Variants in TAPBPL observed in about 807,000 individuals in gnomAD.
TAPBPL encodes TAP binding protein like.
TAPBPL carries 32 observed loss-of-function variants against 44.8 expected under a neutral mutation model. The ratio of observed to expected loss-of-function variants is 0.71; its 90% confidence interval spans 0.54 to 0.96. TAPBPL has a LOEUF of 0.96. TAPBPL is among the 40% of genes least tolerant of loss of function. The probability of loss-of-function intolerance (pLI) is 0.00; values close to 1 mark genes in which losing one functional copy is unlikely to be tolerated. For missense variants in TAPBPL, 520 were observed against 586.6 expected (o/e 0.89, Z 1.17); for synonymous variants, 230 against 240.7 (o/e 0.96, Z 0.41).
In TAPBPL at chr12:6,461,989, T is replaced by G. The variant is rs552603034; in HGVS notation, c.1292-45T>G. Reference sequence around the variant, plus strand: ...GAGGGAACCTGTGCTTGTTTGCCAGTGTGAGATGCCCACGCAACTTCCTGT... The same window carrying G: ...GAGGGAACCTGTGCTTGTTTGCCAGGGTGAGATGCCCACGCAACTTCCTGT... On this transcript the variant is annotated intron_variant, in intron 6 of 6. Coordinates refer to ENST00000266556, the MANE Select transcript of TAPBPL (RefSeq NM_018009.5). The G allele has an allele frequency of 2.7e-5, 42 of 1,528,990 alleles. No individual in the cohort carries two copies. The South Asian group carries it at 4.7e-4, about 17-fold the overall frequency. 94.7% of individuals were successfully genotyped at this position (1,528,990 alleles called of 1,614,324 possible). A position where few individuals can be genotyped will look rare whatever the true frequency, so the allele number is the denominator to read the frequency against.
chr12:6,461,227 TGA>T, intron 6 of TAPBPL: 1 of 1,243,706 alleles, frequency 8.0e-7, no homozygotes, highest in Non-Finnish European at 1.0e-6. Context: ...TAAAAATACA[TGA>T]AGGTGGCACC....
chr12:6,464,648 C>T (rs1358561292), downstream of TAPBPL: 8 of 1,458,336 alleles, frequency 5.5e-6, no homozygotes, highest in East Asian at 2.5e-5. Context: ...CACAGCATAG[C>T]CCCACTTCCT....
downstream of TAPBPL, chr12:6,465,172 T>A: frequency 1.8e-6 from 1 of 559,824 alleles, no homozygotes. Context: ...TGCATTGAGC[T>A]CCTTTTTGCT....
At chr12:6,465,158 GA>G, downstream of TAPBPL, 1 of 609,052 alleles carries the variant, frequency 1.6e-6, no homozygotes. Flanking sequence ...TTCATCACAG[GA>G]CCTGCATTGA....
In TAPBPL at chr12:6,458,831, G is replaced by A. The variant is rs916824010; in HGVS notation, c.1091G>A (p.Ser364Asn). Residue 364 changes from serine to asparagine, a missense_variant, in exon 5 of 7, where the codon AGC (serine) becomes AAC (asparagine). By Grantham distance (46) the Ser-to-Asn change is conservative. Transcript: ENST00000266556. ...SLRQSVAGTY[S>N]ISSSLTAEPG... ...AGGCAAAGCGTGGCAGGCACCTACA[G>A]CATCTCCTCCTCTCTCACCGCAGAA... 15 of 1,614,034 alleles carry A rather than the reference G, an allele frequency of 9.3e-6. No homozygotes were observed. In the East Asian group the frequency reaches 2.9e-4, roughly 31 times the overall value.
chr12:6,464,488 T>C (rs1213158610), downstream of TAPBPL: 1 of 1,520,676 alleles, frequency 6.6e-7, no homozygotes, highest in Non-Finnish European at 8.8e-7. Flanking sequence ...AAAAGTAGAC[T>C]GGACACAGGA....
chr12:6,457,721 AG>A lies in TAPBPL; in HGVS notation c.882del (p.Ile295SerfsTer14), dbSNP rs776179311. 2 of 1,592,354 alleles carry A rather than the reference AG, an allele frequency of 1.3e-6. No individual in the cohort carries two copies. Among genetic ancestry groups the A allele is most frequent in the Admixed American group, 1.7e-5 (1 of 59,074 alleles). On this transcript the variant is annotated frameshift_variant, in exon 4 of 7. Transcript: ENST00000266556. LOFTEE classifies it high-confidence loss of function. ...QITTSLYRAQQIIQLNIQASP... is the reference protein window; with the variant it reads ...QITTSLYRAQXIIQLNIQASP... ...ACCACCTCTCTGTACCGAGCTCAGC[AG>A]ATCATCCAGCTCAACATCCAAGGTG...
At chr12:6,469,652 C>T (rs1243928168), downstream of TAPBPL, among the ~76,000 whole-genome samples, 2 of 152,130 alleles carry the variant, frequency 1.3e-5, no homozygotes, top group Non-Finnish European at 2.9e-5. Flanking sequence ...AGAGAAGCAA[C>T]ATAAATACAT....
Position 6,462,092 on chromosome 12 carries a change from C to A in TAPBPL, c.1350C>A (p.Asp450Glu). 1 of 1,613,774 alleles carries A rather than the reference C, an allele frequency of 6.2e-7. No homozygotes were observed. The highest frequency in any genetic ancestry group is 2.2e-5 in the East Asian group (1 of 44,882). Residue 450 changes from aspartate to glutamate, a missense_variant, in exon 7 of 7, where the codon GAC becomes GAA. Coordinates refer to ENST00000266556, the MANE Select transcript of TAPBPL (RefSeq NM_018009.5). ...AERWETTSCA[D>E]TQSSHLHEDR... Reference sequence around the variant, plus strand: ...GCTGGGAGACCACTTCCTGTGCTGACACACAGAGCTCCCATCTCCATGAAG... The same window carrying A: ...GCTGGGAGACCACTTCCTGTGCTGAAACACAGAGCTCCCATCTCCATGAAG...
chr12:6,455,384 G>C (rs925868604), intron 3 of TAPBPL, among the ~76,000 whole-genome samples: 1 of 152,188 alleles, frequency 6.6e-6, no homozygotes, highest in Admixed American at 6.5e-5. Flanking sequence ...ACCAAAGTGG[G>C]GAAGTAGTCT....
chr12:6,470,642 C>T (rs368288817), downstream of TAPBPL: 2 of 1,457,466 alleles, frequency 1.4e-6, no homozygotes, highest in South Asian at 2.3e-5. Context: ...CGCCTCGCGC[C>T]GACTACCCCG....
downstream of TAPBPL, chr12:6,464,905 CGAT>C (rs964552040): frequency 2.2e-5 from 35 of 1,613,898 alleles, no homozygotes; most frequent in Non-Finnish European, 2.9e-5. Flanking sequence ...ATAACTACCA[CGAT>C]GATGGCACAG....
Position 6,453,452 on chromosome 12 carries a change from C to G in TAPBPL, c.301C>G (p.Leu101Val), listed in dbSNP as rs753840971. The change falls in exon 3 of 7, where the codon CTG becomes GTG. Residue 101 changes from leucine (L) to valine (V), a missense_variant. Physicochemically the swap from Leu to Val is conservative, Grantham distance 32. Coordinates refer to ENST00000266556, the MANE Select transcript of TAPBPL (RefSeq NM_018009.5). This position sits in a 1 kb window ranked among gnomAD's most constrained non-coding sequence, Gnocchi z 4.8. The part of the protein sequence containing the change: ...PPIIFEASVD[L>V]VQIPQAEALL... The stretch of plus-strand genomic sequence containing the variant: ...TGTGCCCTGCTTCTCCCCAGTGGAC[C>G]TGGTCCAGATTCCCCAGGCCGAGGC... The G allele has an allele frequency of 6.2e-7, 1 of 1,614,086 alleles. No individual in the cohort carries two copies. The highest frequency in any genetic ancestry group is 1.7e-5 in the Admixed American group (1 of 60,022).
chr12:6,463,867 C>A (rs74056956), downstream of TAPBPL: 10 of 1,265,930 alleles, frequency 7.9e-6, no homozygotes, highest in East Asian at 5.0e-4. This position sits in a 1 kb window ranked among gnomAD's most constrained non-coding sequence, Gnocchi z 4.0. Context: ...CCCAAAGACA[C>A]GGAAAATCCT....
chr12:6,453,370 GC>G lies in TAPBPL; in HGVS notation c.295+75del. The G allele has an allele frequency of 6.2e-7, 1 of 1,608,974 alleles. No homozygotes were observed. Among genetic ancestry groups the G allele is most frequent in the Non-Finnish European group, 8.5e-7 (1 of 1,176,910 alleles). ...CAGGACAGCCCAGGTCCCGATTACA[GC>G]CACACATACTGCCTCCCGTTGGCCC... is the stretch of plus-strand genomic sequence containing the variant. On this transcript the variant is annotated intron_variant, in intron 2 of 6. Coordinates refer to ENST00000266556, the MANE Select transcript of TAPBPL (RefSeq NM_018009.5). This position sits in a 1 kb window ranked among gnomAD's most constrained non-coding sequence, Gnocchi z 4.8.
At chr12:6,470,911 G>A, downstream of TAPBPL, 1 of 294,018 alleles carries the variant, frequency 3.4e-6, no homozygotes. Context: ...CTCCAGTCTG[G>A]CGGAGGGACG....
At chr12:6,470,057 T>G (rs1945731054), downstream of TAPBPL, among the ~76,000 whole-genome samples, 2 of 152,118 alleles carry the variant, frequency 1.3e-5, no homozygotes, top group Non-Finnish European at 2.9e-5. Flanking sequence ...ACATCACACT[T>G]TGGGTGAGGG....
At position 6,453,137 on chromosome 12, in the gene TAPBPL, T is replaced by A; in HGVS notation, c.135T>A (p.Gly45=). The change falls in exon 2 of 7, where the codon GGT becomes GGA. Residue 45 remains glycine, a synonymous_variant. Transcript: ENST00000266556. This position sits in a 1 kb window ranked among gnomAD's most constrained non-coding sequence, Gnocchi z 4.8. ...VVLDCFLAKD[G]AHRGALASSE... ...TAGACTGCTTCCTGGCGAAGGACGG[T>A]GCGCACCGTGGAGCTCTCGCCAGCA... 1 of 1,595,128 alleles carries A rather than the reference T, an allele frequency of 6.3e-7. No individual in the cohort carries two copies. The highest frequency in any genetic ancestry group is 2.3e-5 in the East Asian group (1 of 44,242).
At chr12:6,471,280 C>T (rs1354156517), downstream of TAPBPL, among the ~76,000 whole-genome samples, 1 of 152,202 alleles carries the variant, frequency 6.6e-6, no homozygotes, top group African/African-American at 2.4e-5. This position sits in a 1 kb window ranked among gnomAD's most constrained non-coding sequence, Gnocchi z 4.0. Context: ...TCAACATAGC[C>T]TTCCTAAATT....
Sources: gnomAD v4.1 joint callset for allele counts (sites outside exome capture counted in the v4.1 genomes callset) on GRCh38, gnomAD v4.1.1 for gene constraint, Gnocchi (gnomAD v3.1) non-coding constraint, MANE v1.5 for transcripts, NCBI Gene and HGNC (gene_info 2026-07-23, HGNC 2026-07-21) for gene names.